The following TENM3 variants were observed in gnomAD, a reference collection of about 807,000 sequenced individuals.
TENM3 encodes teneurin transmembrane protein 3.
A neutral mutation model predicts 255.1 loss-of-function variants in TENM3; 63 were observed. That is an observed-to-expected ratio of 0.25 (90% CI 0.20 to 0.30). TENM3 has a LOEUF of 0.30. TENM3 is among the 10% of genes least tolerant of loss of function. The pLI is 1.00. For synonymous variants in TENM3, 1,306 were observed against 1,322.3 expected, an observed-to-expected ratio of 0.99 and a Z score of 0.27; for missense variants, 2,929 against 3,461.1, an observed-to-expected ratio of 0.85 and a Z score of 3.86.
At chr4:181,953,613 G>A in the TENM3 span, among the ~76,000 whole-genome samples, 1 of 151,896 alleles carries the variant, frequency 6.6e-6, no homozygotes, top group Non-Finnish European at 1.5e-5. Flanking sequence ...CCCAGGAGGC[G>A]AGGTTGCAGT....
chr4:181,990,733 C>T, the TENM3 span, among the ~76,000 whole-genome samples: 5 of 152,074 alleles, frequency 3.3e-5, no homozygotes, highest in Admixed American at 6.6e-5. Context: ...TACTCCATGA[C>T]GCTCACAACT....
intron 7 of TENM3, among the ~76,000 whole-genome samples, chr4:182,674,577 T>C (rs548376376): frequency 6.6e-6 from 1 of 152,298 alleles, no homozygotes; most frequent in East Asian, 1.9e-4. Flanking sequence ...GGTTTTTGTT[T>C]GTTTTGTTTT....
the TENM3 span, among the ~76,000 whole-genome samples, chr4:181,558,906 G>A: frequency 6.6e-6 from 1 of 152,136 alleles, no homozygotes; most frequent in Non-Finnish European, 1.5e-5. Flanking sequence ...AAGAGCATTT[G>A]GGAAACTTAG....
the TENM3 span, among the ~76,000 whole-genome samples, chr4:181,644,219 A>G: frequency 6.6e-6 from 1 of 152,114 alleles, no homozygotes; most frequent in African/African-American, 2.4e-5. Context: ...GCAACTAGCC[A>G]GTGTTCCTTA....
the TENM3 span, among the ~76,000 whole-genome samples, chr4:181,928,423 G>A: frequency 6.6e-6 from 1 of 151,696 alleles, no homozygotes; most frequent in African/African-American, 2.4e-5. Context: ...GCAGAAGAAA[G>A]GATATCAGAA....
chr4:182,178,017 T>G (rs1397069184), intron 1 of TENM3, among the ~76,000 whole-genome samples: 4 of 150,980 alleles, frequency 2.6e-5, no homozygotes, highest in African/African-American at 9.8e-5. Flanking sequence ...TTCCAAAGTG[T>G]TGTATGTATG....
At chr4:182,435,822 CA>C (rs1328571008) in intron 3 of TENM3, among the ~76,000 whole-genome samples, 10 of 152,106 alleles carry the variant, frequency 6.6e-5, no homozygotes, top group African/African-American at 2.4e-4. Flanking sequence ...AAAAAGGCAT[CA>C]AACTCACAGT....
chr4:182,149,157 C>A (rs752518734), intron 1 of TENM3, among the ~76,000 whole-genome samples: 6 of 151,902 alleles, frequency 3.9e-5, no homozygotes, highest in Non-Finnish European at 8.8e-5. Context: ...ATGATAGATT[C>A]TTGGCATCGG....
At chr4:181,968,992 C>CTCTATA in the TENM3 span, among the ~76,000 whole-genome samples, 70 of 116,096 alleles carry the variant, frequency 6.0e-4, no homozygotes, top group African/African-American at 1.7e-3. Context: ...CTCTCTCTCT[C>CTCTATA]TATATACATA....
chr4:182,792,531 G>A lies in TENM3; in HGVS notation c.5859G>A (p.Gln1953=), dbSNP rs752422134. ...SRRVLFKYRR[Q]TRLSEILYDS... Reference sequence around the variant, plus strand: ...GGGTCTTATTCAAATACAGAAGGCAGACTAGGCTCTCAGAAATTTTATATG... The same window carrying A: ...GGGTCTTATTCAAATACAGAAGGCAAACTAGGCTCTCAGAAATTTTATATG... The change falls in exon 26 of 28, where the codon CAG becomes CAA. Residue 1953 remains glutamine (Q), a synonymous_variant. Transcript: ENST00000511685. The surrounding 1 kb of genome is among the most constrained non-coding windows in gnomAD (Gnocchi z 6.3). The A allele has an allele frequency of 2.1e-5, 34 of 1,614,054 alleles. No homozygotes were observed. Among genetic ancestry groups the A allele is most frequent in the Non-Finnish European group, 2.7e-5 (32 of 1,179,898 alleles).
intron 4 of TENM3, among the ~76,000 whole-genome samples, chr4:182,627,073 A>G (rs1581147217): frequency 6.6e-6 from 1 of 152,170 alleles, no homozygotes; most frequent in Admixed American, 6.5e-5. Flanking sequence ...GACCAGCTTC[A>G]CTATTTTTCA....
At chr4:182,347,361 G>T (rs1342957895) in intron 3 of TENM3, among the ~76,000 whole-genome samples, 1 of 152,194 alleles carries the variant, frequency 6.6e-6, no homozygotes, top group Non-Finnish European at 1.5e-5. Flanking sequence ...ATATCTCAAA[G>T]AAGTTGCAAA....
chr4:182,061,963 A>G, the TENM3 span, among the ~76,000 whole-genome samples: 1 of 152,302 alleles, frequency 6.6e-6, no homozygotes, highest in Non-Finnish European at 1.5e-5. Flanking sequence ...TCTCAAACAA[A>G]TTAAAAAATT....
the TENM3 span, among the ~76,000 whole-genome samples, chr4:181,842,278 T>C: frequency 1.3e-5 from 2 of 152,152 alleles, no homozygotes; most frequent in African/African-American, 4.8e-5. Flanking sequence ...AAGAGGGAAA[T>C]AAGCTACTGT....
intron 1 of TENM3, among the ~76,000 whole-genome samples, chr4:182,299,215 T>C (rs1761702819): frequency 6.6e-6 from 1 of 152,014 alleles, no homozygotes; most frequent in African/African-American, 2.4e-5. Flanking sequence ...ATCCACTTTG[T>C]TGAAAAATGA....
At chr4:182,666,749 A>G (rs893476339) in intron 6 of TENM3, among the ~76,000 whole-genome samples, 1 of 151,988 alleles carries the variant, frequency 6.6e-6, no homozygotes, top group Non-Finnish European at 1.5e-5. Flanking sequence ...ATACCAAAAA[A>G]TTAGCCAGAC....
intron 12 of TENM3, among the ~76,000 whole-genome samples, chr4:182,701,469 C>T (rs1757872228): frequency 6.6e-6 from 1 of 151,956 alleles, no homozygotes; most frequent in Non-Finnish European, 1.5e-5. Flanking sequence ...ATCCGCCCAC[C>T]TCGGCCTCCC....
At chr4:182,752,096 A>G in intron 20 of TENM3, 64 bp downstream of exon 20, 1 of 1,025,722 alleles carries the variant, frequency 9.7e-7, no homozygotes, top group Non-Finnish European at 1.4e-6. Context: ...AAAGGGGTTG[A>G]AAATCCATTT....
At chr4:181,746,914 T>C in the TENM3 span, among the ~76,000 whole-genome samples, 1 of 152,150 alleles carries the variant, frequency 6.6e-6, no homozygotes, top group African/African-American at 2.4e-5. Flanking sequence ...GTCAGTATTT[T>C]TTCCCATTGA....
Sources: gnomAD v4.1 joint callset for allele counts (sites outside exome capture counted in the v4.1 genomes callset) on GRCh38, gnomAD v4.1.1 for gene constraint, Gnocchi (gnomAD v3.1) non-coding constraint, MANE v1.5 for transcripts, NCBI Gene and HGNC (gene_info 2026-07-23, HGNC 2026-07-21) for gene names.